The following DMD variants were observed in gnomAD, a reference collection of about 807,000 sequenced individuals.
DMD encodes mutant dystrophin.
A neutral mutation model predicts 330.1 loss-of-function variants in DMD; 63 were observed. The ratio of observed to expected loss-of-function variants is 0.19; its 90% CI spans 0.16 to 0.24. The LOEUF is 0.24. Ranked by LOEUF, DMD falls within the 10% of genes least tolerant of loss-of-function variation. DMD has a pLI of 1.00. For synonymous variants in DMD, 1,223 were observed against 959.8 expected (o/e 1.27, Z -5.07); for missense variants, 3,344 against 2,684.1 (o/e 1.25, Z -5.43).
chrX:32,624,654 A>G (rs2058229461), intron 11 of DMD, among the ~76,000 whole-genome samples: 1 of 111,661 alleles, frequency 9.0e-6, no homozygotes, highest in African/African-American at 3.3e-5. Flanking sequence ...TGCCCAAGGG[A>G]TATCAATGCT....
chrX:33,173,864 C>T (rs956428858), intron 1 of DMD, among the ~76,000 whole-genome samples: 3 of 109,153 alleles, frequency 2.7e-5, no homozygotes, highest in Non-Finnish European at 3.8e-5. Flanking sequence ...AATAACTAAA[C>T]GATAAAGTGA....
At chrX:31,891,602 C>G (rs1200339960) in intron 47 of DMD, among the ~76,000 whole-genome samples, 1 of 111,915 alleles carries the variant, frequency 8.9e-6, no homozygotes, top group Non-Finnish European at 1.9e-5. Context: ...AAATTTGTGT[C>G]CCCAAGTAAA....
At chrX:32,731,381 T>A (rs1047985912) in intron 7 of DMD, among the ~76,000 whole-genome samples, 10 of 112,333 alleles carry the variant, frequency 8.9e-5, no homozygotes, top group African/African-American at 3.2e-4. Context: ...ACAAAGCAGC[T>A]GGGAAGCTTG....
At chrX:32,301,535 C>G (rs961955295) in intron 42 of DMD, among the ~76,000 whole-genome samples, 2 of 110,314 alleles carry the variant, frequency 1.8e-5, no homozygotes, top group African/African-American at 6.6e-5. Context: ...AATATTTAAA[C>G]CTTTTGAAAG....
chrX:31,925,442 T>A (rs188896720), intron 47 of DMD, among the ~76,000 whole-genome samples: 2 of 110,501 alleles, frequency 1.8e-5, no homozygotes, highest in African/African-American at 6.6e-5. Context: ...CAATGAAGAA[T>A]GAGGAAAGGG....
intron 44 of DMD, among the ~76,000 whole-genome samples, chrX:32,013,086 T>C (rs1276796975): frequency 1.7e-5 from 1 of 60,104 alleles, no homozygotes; most frequent in African/African-American, 6.2e-5. Flanking sequence ...ATCTTTTCTT[T>C]TCTTTCCTTT....
intron 1 of DMD, among the ~76,000 whole-genome samples, chrX:33,156,693 C>A (rs2048522203): frequency 8.9e-6 from 1 of 111,881 alleles, no homozygotes; most frequent in Non-Finnish European, 1.9e-5. Flanking sequence ...TTTTCATACT[C>A]CTATTTAGTG....
At chrX:32,598,466 T>A (rs1352950927) in intron 12 of DMD, among the ~76,000 whole-genome samples, 1 of 112,058 alleles carries the variant, frequency 8.9e-6, no homozygotes, top group Non-Finnish European at 1.9e-5. Flanking sequence ...CAGTGTATCA[T>A]AAGTTGGTTT....
At chrX:32,083,606 T>A (rs2096410148) in intron 44 of DMD, among the ~76,000 whole-genome samples, 1 of 112,062 alleles carries the variant, frequency 8.9e-6, no homozygotes, top group Non-Finnish European at 1.9e-5. Context: ...TCAACAGTGT[T>A]GTATAAGGGG....
At chrX:32,051,080 C>T (rs2096110537) in intron 44 of DMD, among the ~76,000 whole-genome samples, 1 of 107,245 alleles carries the variant, frequency 9.3e-6, no homozygotes, top group Non-Finnish European at 1.9e-5. Flanking sequence ...TCCAAAAATG[C>T]TGGGATTACA....
intron 12 of DMD, among the ~76,000 whole-genome samples, 161 bp from the exon 13 acceptor site, chrX:32,596,037 C>T (rs925127581): frequency 3.6e-5 from 4 of 111,987 alleles, no homozygotes; most frequent in East Asian, 5.6e-4. Flanking sequence ...CTATGACGCT[C>T]AGCAAAATTT....
chrX:32,438,112 C>T (rs1329634041), intron 29 of DMD, 129 bp downstream of exon 29: 3 of 668,107 alleles, frequency 4.5e-6, no homozygotes, highest in African/African-American at 2.2e-5. Context: ...CAGTGTCTGG[C>T]ATTGGATTGT....
intron 7 of DMD, among the ~76,000 whole-genome samples, chrX:32,748,668 CA>C (rs779780112): frequency 8.9e-6 from 1 of 112,071 alleles, no homozygotes; most frequent in South Asian, 3.7e-4. Flanking sequence ...AGTATATCAA[CA>C]TGCAAATTAA....
chrX:32,383,780 T>A (rs1187258843), intron 33 of DMD, among the ~76,000 whole-genome samples: 1 of 110,555 alleles, frequency 9.0e-6, no homozygotes, highest in Non-Finnish European at 1.9e-5. Context: ...ATTACGAGAA[T>A]CATTCATTTC....
intron 44 of DMD, among the ~76,000 whole-genome samples, chrX:32,139,034 T>C (rs749438009): frequency 2.7e-5 from 3 of 112,133 alleles, no homozygotes; most frequent in Non-Finnish European, 3.8e-5. Flanking sequence ...CTGTACCTGC[T>C]CTCCTCAGAT....
intron 2 of DMD, among the ~76,000 whole-genome samples, chrX:32,956,310 T>G (rs1285676005): frequency 8.9e-6 from 1 of 112,099 alleles, no homozygotes; most frequent in African/African-American, 3.2e-5. Context: ...ACATGGAATG[T>G]TTTTCCATTT....
At chrX:32,953,344 T>C (rs2091375575) in intron 2 of DMD, among the ~76,000 whole-genome samples, 1 of 111,182 alleles carries the variant, frequency 9.0e-6, no homozygotes, top group Non-Finnish European at 1.9e-5. Flanking sequence ...TATTTTTCAT[T>C]CATTCAGCAA....
At chrX:32,034,478 C>T (rs1011893775) in intron 44 of DMD, among the ~76,000 whole-genome samples, 9 of 111,618 alleles carry the variant, frequency 8.1e-5, no homozygotes, top group African/African-American at 2.9e-4. Flanking sequence ...GAAATTAAAA[C>T]TATGATATTT....
At chrX:31,750,602 C>G (rs1391154589) in intron 51 of DMD, among the ~76,000 whole-genome samples, 2 of 110,787 alleles carry the variant, frequency 1.8e-5, no homozygotes, top group Non-Finnish European at 3.8e-5. Flanking sequence ...GGGATGCCCT[C>G]TCTCACCACT....
Sources: gnomAD v4.1 joint callset for allele counts (sites outside exome capture counted in the v4.1 genomes callset) on GRCh38, gnomAD v4.1.1 for gene constraint, MANE v1.5 for transcripts, NCBI Gene and HGNC (gene_info 2026-07-23, HGNC 2026-07-21) for gene names.